SPMIP7: variants seen among roughly 807,000 people sequenced by gnomAD.
The protein encoded by SPMIP7 is sperm microtubule inner protein 7, also known as protein SPMIP7.
At chr7:50,153,076 T>C in the SPMIP7 span, among the ~76,000 whole-genome samples, 14 of 152,328 alleles carry the variant, frequency 9.2e-5, no homozygotes, top group South Asian at 2.1e-4. Flanking sequence ...TCCCAGCTTT[T>C]AGGAGCTTAT....
At chr7:50,145,626 A>G in the SPMIP7 span, among the ~76,000 whole-genome samples, 980 of 73,478 alleles carry the variant, frequency 0.013, 77 homozygotes, top group African/African-American at 0.039. Flanking sequence ...GTGTATATAT[A>G]TATATATATA....
the SPMIP7 span, among the ~76,000 whole-genome samples, chr7:50,151,091 G>C: frequency 6.6e-6 from 1 of 152,074 alleles, no homozygotes; most frequent in South Asian, 2.1e-4. Flanking sequence ...AATATGTGTG[G>C]GATACAGGTC....
the SPMIP7 span, among the ~76,000 whole-genome samples, chr7:50,125,111 T>TAC: frequency 2.7e-3 from 79 of 29,138 alleles, 13 homozygotes; most frequent in African/African-American, 0.018. Context: ...TATATATATA[T>TAC]ATATACACAC....
chr7:50,156,291 T>C, the SPMIP7 span, among the ~76,000 whole-genome samples: 1 of 151,414 alleles, frequency 6.6e-6, no homozygotes, highest in Non-Finnish European at 1.5e-5. Flanking sequence ...AGCCTTGATC[T>C]CTCTCTGATG....
chr7:50,151,044 A>G, the SPMIP7 span, among the ~76,000 whole-genome samples: 6 of 152,238 alleles, frequency 3.9e-5, no homozygotes, highest in Non-Finnish European at 8.8e-5. Context: ...TAAATGTAAG[A>G]GTGTATATTC....
the SPMIP7 span, among the ~76,000 whole-genome samples, chr7:50,143,741 A>G: frequency 2.0e-5 from 3 of 152,386 alleles, no homozygotes; most frequent in Non-Finnish European, 2.9e-5. Flanking sequence ...AACAATGACA[A>G]TATAACCAAA....
chr7:50,096,143 C>T, the SPMIP7 span: 15 of 1,545,752 alleles, frequency 9.7e-6, no homozygotes, highest in African/African-American at 1.4e-4. Context: ...AAGGTCCATC[C>T]TTTCAGGAAC....
chr7:50,145,934 C>T, the SPMIP7 span, among the ~76,000 whole-genome samples: 1 of 151,810 alleles, frequency 6.6e-6, no homozygotes, highest in African/African-American at 2.4e-5. Context: ...TGCTTTTTGA[C>T]CTCAATGATT....
chr7:50,159,019 C>T, the SPMIP7 span: 21 of 1,549,746 alleles, frequency 1.4e-5, no homozygotes, highest in Non-Finnish European at 1.8e-5. Flanking sequence ...GTCTCATTTT[C>T]CTCCTTTTTT....
At chr7:50,154,329 T>C in the SPMIP7 span, among the ~76,000 whole-genome samples, 1 of 152,204 alleles carries the variant, frequency 6.6e-6, no homozygotes, top group Non-Finnish European at 1.5e-5. Flanking sequence ...ATGGATCTTA[T>C]GTCTCAGGCT....
chr7:50,101,385 C>G, the SPMIP7 span, among the ~76,000 whole-genome samples: 1 of 152,224 alleles, frequency 6.6e-6, no homozygotes, highest in Non-Finnish European at 1.5e-5. Context: ...AACTTGCCAG[C>G]CATGTAAGTG....
the SPMIP7 span, among the ~76,000 whole-genome samples, chr7:50,126,543 T>A: frequency 3.3e-5 from 5 of 151,922 alleles, no homozygotes; most frequent in Non-Finnish European, 1.5e-5. Context: ...AGTCTAACTT[T>A]ACCTCATATA....
At chr7:50,116,046 A>C in the SPMIP7 span, among the ~76,000 whole-genome samples, 1 of 152,226 alleles carries the variant, frequency 6.6e-6, no homozygotes, top group African/African-American at 2.4e-5. Context: ...CAACCCTAAT[A>C]TTCTTGTCAA....
chr7:50,151,870 G>A, the SPMIP7 span, among the ~76,000 whole-genome samples: 1 of 152,134 alleles, frequency 6.6e-6, no homozygotes, highest in East Asian at 1.9e-4. Context: ...TAGAGGAATG[G>A]CATCTTTACT....
At chr7:50,120,280 T>C in the SPMIP7 span, 1 of 152,180 alleles carries the variant, frequency 6.6e-6, no homozygotes, top group Admixed American at 6.6e-5. Flanking sequence ...TGCTCACTCT[T>C]GTTGGTAGAT....
the SPMIP7 span, chr7:50,104,164 A>G: frequency 2.4e-6 from 1 of 408,458 alleles, no homozygotes; most frequent in Non-Finnish European, 4.6e-6. Context: ...CTGTTCTCAC[A>G]GCTAAAAGAT....
At chr7:50,142,855 G>A in the SPMIP7 span, 1 of 152,084 alleles carries the variant, frequency 6.6e-6, no homozygotes, top group African/African-American at 2.4e-5. Context: ...ACATACATAT[G>A]AATCTCTAAA....
chr7:50,139,357 A>T, the SPMIP7 span, among the ~76,000 whole-genome samples: 1 of 151,838 alleles, frequency 6.6e-6, no homozygotes, highest in Non-Finnish European at 1.5e-5. Flanking sequence ...CTCAAAAAAA[A>T]AAAAAAGAAA....
the SPMIP7 span, chr7:50,129,767 C>A: frequency 6.5e-7 from 1 of 1,548,750 alleles, no homozygotes; most frequent in Non-Finnish European, 8.7e-7. Flanking sequence ...ATGCAAAGGA[C>A]TCATTTTACA....
Sources: gnomAD v4.1 joint callset for allele counts (sites outside exome capture counted in the v4.1 genomes callset) on GRCh38, gnomAD v4.1.1 for gene constraint, MANE v1.5 for transcripts, NCBI Gene and HGNC (gene_info 2026-07-23, HGNC 2026-07-21) for gene names.